The following VAT1L variants were observed in gnomAD, a reference collection of about 807,000 sequenced individuals.
VAT1L encodes the protein vesicle amine transport 1 like.
In VAT1L, 34 loss-of-function variants were observed where a neutral mutation model predicts 44.1. The ratio of observed to expected loss-of-function variants is 0.77; its 90% CI spans 0.59 to 1.03. The LOEUF (loss-of-function observed/expected upper bound fraction) is 1.03, where lower values mean the gene tolerates loss of function less well. Among genes scored for constraint, VAT1L ranks in the 50% least tolerant of loss-of-function variants. The pLI, the probability that VAT1L is intolerant of heterozygous loss-of-function variation, is 0.00. For missense variants in VAT1L, 615 were observed against 538.8 expected, an observed-to-expected ratio of 1.14 and a Z score of -1.40; for synonymous variants, 253 against 202.2, an observed-to-expected ratio of 1.25 and a Z score of -2.13.
At chr16:77,910,758 G>T (rs1365713182) in intron 7 of VAT1L, among the ~76,000 whole-genome samples, 4 of 151,802 alleles carry the variant, frequency 2.6e-5, no homozygotes, top group African/African-American at 9.7e-5. Context: ...GAGAAGCCCT[G>T]CATTAAAGAA....
chr16:77,925,468 G>T (rs1029605273), intron 7 of VAT1L, among the ~76,000 whole-genome samples: 2 of 152,138 alleles, frequency 1.3e-5, no homozygotes. Context: ...TTGTTTCGGG[G>T]TATTAAAGAG....
intron 7 of VAT1L, among the ~76,000 whole-genome samples, chr16:77,893,650 C>T (rs1414391506): frequency 6.6e-6 from 1 of 152,188 alleles, no homozygotes; most frequent in Non-Finnish European, 1.5e-5. Flanking sequence ...AGGCATTGTT[C>T]TAAGTGCTTT....
At chr16:77,965,818 C>G (rs983610818) in intron 7 of VAT1L, among the ~76,000 whole-genome samples, 1 of 152,168 alleles carries the variant, frequency 6.6e-6, no homozygotes, top group Admixed American at 6.6e-5. Flanking sequence ...TCCACATATC[C>G]ACTTTTTCAT....
intron 7 of VAT1L, among the ~76,000 whole-genome samples, chr16:77,913,069 T>A (rs879713273): frequency 6.6e-6 from 1 of 152,206 alleles, no homozygotes; most frequent in Non-Finnish European, 1.5e-5. Flanking sequence ...GGTGGGGTCA[T>A]AGGCATTCAG....
In VAT1L at chr16:77,811,688, G is replaced by C. The variant is rs147106967; in HGVS notation, c.234-5233G>C. Among the ~76,000 whole-genome samples, 195 of 152,258 alleles carry C rather than the reference G, an allele frequency of 1.3e-3. 1 individual carries two copies. The highest frequency in any genetic ancestry group is 4.6e-3 in the African/African-American group (193 of 41,548). ...GTAGCAGTATCATCACGGGAGCAAT[G>C]TTTGTTGACTTTGGCAAGACAAAAA... On this transcript the variant is annotated intron_variant, in intron 1 of 8. Coordinates refer to ENST00000302536, the MANE Select transcript of VAT1L (RefSeq NM_020927.3).
At chr16:77,952,938 C>A (rs2018061475) in intron 7 of VAT1L, among the ~76,000 whole-genome samples, 1 of 149,242 alleles carries the variant, frequency 6.7e-6, no homozygotes, top group Non-Finnish European at 1.5e-5. Flanking sequence ...CCCTGAACCT[C>A]AGAATGTGAC....
chr16:77,814,661 A>G (rs187714636), intron 1 of VAT1L, among the ~76,000 whole-genome samples: 11 of 152,344 alleles, frequency 7.2e-5, no homozygotes, highest in Admixed American at 2.0e-4. Context: ...GAAAAACACA[A>G]TGAGCTAAAA....
intron 4 of VAT1L, among the ~76,000 whole-genome samples, chr16:77,874,912 G>C (rs1009400533): frequency 1.3e-5 from 2 of 150,762 alleles, no homozygotes; most frequent in South Asian, 2.1e-4. Flanking sequence ...TTCTCAGAGC[G>C]TGGAGCTGGA....
At chr16:77,949,456 T>G (rs1234803746) in intron 7 of VAT1L, among the ~76,000 whole-genome samples, 1 of 152,204 alleles carries the variant, frequency 6.6e-6, no homozygotes, top group Non-Finnish European at 1.5e-5. Flanking sequence ...TCCCCAAACC[T>G]CATGTGGAAA....
intron 7 of VAT1L, among the ~76,000 whole-genome samples, chr16:77,910,616 T>C (rs920309887): frequency 2.1e-5 from 3 of 144,172 alleles, no homozygotes; most frequent in African/African-American, 5.2e-5. Context: ...GGAGCTTGCA[T>C]TGAGCCGAGA....
chr16:77,959,194 G>A (rs1238385333), intron 7 of VAT1L, among the ~76,000 whole-genome samples: 2 of 152,130 alleles, frequency 1.3e-5, no homozygotes, highest in African/African-American at 2.4e-5. Context: ...CTAAAAAGGA[G>A]CTGAGTGTTT....
intron 7 of VAT1L, among the ~76,000 whole-genome samples, chr16:77,934,283 G>A (rs2017766691): frequency 6.6e-6 from 1 of 152,012 alleles, no homozygotes; most frequent in East Asian, 1.9e-4. Flanking sequence ...GTGGTTCTGT[G>A]GTTTTGGTAG....
intron 1 of VAT1L, among the ~76,000 whole-genome samples, chr16:77,802,615 AACACACACACAC>A (rs57906062): frequency 0.16 from 17,543 of 111,674 alleles, 1,188 homozygotes; most frequent in South Asian, 0.24. Context: ...CCCCATCTCA[AACACACACACAC>A]ACACACACAC....
At chr16:77,946,204 C>CATA (rs1335880331) in intron 7 of VAT1L, among the ~76,000 whole-genome samples, 2 of 149,114 alleles carry the variant, frequency 1.3e-5, no homozygotes, top group Admixed American at 6.7e-5. Flanking sequence ...ATAATGGCTA[C>CATA]ATAATATTCT....
At chr16:77,938,075 T>C (rs566387601) in intron 7 of VAT1L, among the ~76,000 whole-genome samples, 4 of 152,332 alleles carry the variant, frequency 2.6e-5, no homozygotes, top group South Asian at 2.1e-4. Context: ...CCTGACTAAA[T>C]AGACTGTGTC....
intron 3 of VAT1L, among the ~76,000 whole-genome samples, chr16:77,860,149 C>A (rs2016901464): frequency 6.6e-6 from 1 of 152,198 alleles, no homozygotes; most frequent in Admixed American, 6.5e-5. Context: ...TCAGAAGGAA[C>A]CAACCCTGCC....
chr16:77,877,326 T>G (rs200971592), intron 5 of VAT1L, among the ~76,000 whole-genome samples: 2 of 151,866 alleles, frequency 1.3e-5, no homozygotes, highest in African/African-American at 4.8e-5. Flanking sequence ...CTGGCTAACA[T>G]GGTGAAACCC....
At chr16:77,957,826 G>A (rs1193915932) in intron 7 of VAT1L, among the ~76,000 whole-genome samples, 3 of 151,004 alleles carry the variant, frequency 2.0e-5, no homozygotes, top group Admixed American at 1.3e-4. Context: ...TACCATTCTC[G>A]TGTGGAATTG....
chr16:77,951,391 C>T (rs1183033451), intron 7 of VAT1L, among the ~76,000 whole-genome samples: 2 of 152,034 alleles, frequency 1.3e-5, no homozygotes, highest in Non-Finnish European at 1.5e-5. Context: ...GCTAAAAATA[C>T]AAAAAGTAGC....
Sources: allele counts gnomAD v4.1 joint callset (sites outside exome capture counted in the v4.1 genomes callset), GRCh38; gene constraint gnomAD v4.1.1; transcripts MANE v1.5; gene names NCBI Gene and HGNC (gene_info 2026-07-23, HGNC 2026-07-21).